Variants in CSNK1G1 observed in about 807,000 individuals in gnomAD.
The protein encoded by CSNK1G1 is casein kinase I isoform gamma-1.
CSNK1G1 carries 22 observed loss-of-function variants against 59.6 expected under a neutral mutation model. That is an observed-to-expected ratio of 0.37 (90% CI 0.26 to 0.53). The LOEUF (loss-of-function observed/expected upper bound fraction) is 0.53. CSNK1G1 is among the 20% of genes least tolerant of loss of function. CSNK1G1 has a pLI of 0.89. For missense variants in CSNK1G1, 384 were observed against 519.5 expected, an observed-to-expected ratio of 0.74 and a Z score of 2.54; for synonymous variants, 179 against 177.1, an observed-to-expected ratio of 1.01 and a Z score of -0.08.
chr15:64,249,717 C>A (rs1026549198), intron 4 of CSNK1G1, among the ~76,000 whole-genome samples: 1 of 152,176 alleles, frequency 6.6e-6, no homozygotes, highest in African/African-American at 2.4e-5. Context: ...TCCTCTAATG[C>A]CCTCCCTGTT....
chr15:64,251,357 T>C, intron 4 of CSNK1G1, 155 bp downstream of exon 4: 1 of 556,776 alleles, frequency 1.8e-6, no homozygotes. Context: ...AGAGCGCAAG[T>C]AGCTTTGTGG....
In CSNK1G1 at chr15:64,204,607, A is replaced by G. The variant is rs1404999831; in HGVS notation, c.851-18T>C. 6.2e-7 allele frequency: 1 copy of G among 1,610,824 alleles called. No homozygotes were observed. Among genetic ancestry groups the G allele is most frequent in the African/African-American group, 1.3e-5 (1 of 74,716 alleles). ...CATCTCCTCTGTTAGGAAAGAGATG[A>G]AAGGCCCTGCTCATTAGCTGAATGC... On this transcript the variant is annotated intron_variant, in intron 8 of 11. Coordinates refer to ENST00000303052, the MANE Select transcript of CSNK1G1 (RefSeq NM_022048.5).
At chr15:64,278,427 TA>T (rs763458639) in intron 2 of CSNK1G1, among the ~76,000 whole-genome samples, 4,881 of 130,928 alleles carry the variant, frequency 0.037, 103 homozygotes, top group African/African-American at 0.083. Flanking sequence ...TGTATATATA[TA>T]TATATTTTTT....
intron 2 of CSNK1G1, among the ~76,000 whole-genome samples, chr15:64,293,554 C>T (rs541654421): frequency 3.9e-5 from 6 of 152,280 alleles, no homozygotes; most frequent in East Asian, 1.9e-4. Flanking sequence ...AAATTGCAAA[C>T]GTACATATCC....
chr15:64,241,219 G>T (rs576660026), intron 4 of CSNK1G1, among the ~76,000 whole-genome samples: 9 of 152,188 alleles, frequency 5.9e-5, no homozygotes, highest in Non-Finnish European at 1.3e-4. Context: ...AGGAGGAGTA[G>T]ATATATCAAA....
chr15:64,324,469 T>A (rs1221280411), intron 1 of CSNK1G1, among the ~76,000 whole-genome samples: 2 of 152,236 alleles, frequency 1.3e-5, no homozygotes. Context: ...TGCTGGATGC[T>A]TCCTACCCTC....
At chr15:64,194,587 G>A (rs541066765) in intron 10 of CSNK1G1, among the ~76,000 whole-genome samples, 3 of 143,548 alleles carry the variant, frequency 2.1e-5, no homozygotes, top group Non-Finnish European at 4.5e-5. Flanking sequence ...GTGCGATCTC[G>A]GCTCACTGCA....
intron 1 of CSNK1G1, among the ~76,000 whole-genome samples, chr15:64,308,295 C>T (rs1566942028): frequency 6.6e-6 from 1 of 151,512 alleles, no homozygotes; most frequent in Non-Finnish European, 1.5e-5. Context: ...GACGAGGTCT[C>T]ACTATATTGC....
chr15:64,354,457 G>C lies in CSNK1G1; in HGVS notation c.-225+1531C>G, dbSNP rs115216422. On this transcript the variant is annotated intron_variant, in intron 1 of 11. Coordinates refer to ENST00000303052, the MANE Select transcript of CSNK1G1 (RefSeq NM_022048.5). ...ATACTATAAACACCAATATGGTGTA[G>C]CTGAGAAAAATCTATAAAATATATT... Among the ~76,000 whole-genome samples the C allele has an allele frequency of 8.4e-3, 1,278 of 152,258 alleles. 19 individuals are homozygous for C. The highest frequency in any genetic ancestry group is 0.029 in the African/African-American group (1,199 of 41,536).
chr15:64,349,137 CAAAAA>C (rs1258780843), intron 1 of CSNK1G1, among the ~76,000 whole-genome samples: 1 of 54,682 alleles, frequency 1.8e-5, no homozygotes, highest in Non-Finnish European at 3.8e-5. Context: ...AACTCCACCT[CAAAAA>C]AAAAAAAAAA....
intron 2 of CSNK1G1, among the ~76,000 whole-genome samples, chr15:64,269,364 T>C (rs142613928): frequency 2.6e-5 from 4 of 152,322 alleles, no homozygotes; most frequent in Admixed American, 6.5e-5. Context: ...GAGCTCATTC[T>C]TGGTGTGTTC....
intron 1 of CSNK1G1, among the ~76,000 whole-genome samples, chr15:64,305,154 AC>A (rs1895600246): frequency 6.6e-6 from 1 of 152,160 alleles, no homozygotes; most frequent in Non-Finnish European, 1.5e-5. Context: ...TGGTTTTTGT[AC>A]CAACATCTGT....
rs78698673 is a variant in CSNK1G1 at position 64,218,079 on chromosome 15, C to T, written c.293-1366G>A. Among the ~76,000 whole-genome samples, 769 of 151,748 alleles carry T rather than the reference C, an allele frequency of 5.1e-3. 2 individuals carry two copies. Among genetic ancestry groups the T allele is most frequent in the Middle Eastern group, 0.01 (3 of 292 alleles). On this transcript the variant is annotated intron_variant, in intron 4 of 11. Coordinates refer to ENST00000303052, the MANE Select transcript of CSNK1G1 (RefSeq NM_022048.5). ...CCCAGCTCAGCCTCCCAAGTAGCAG[C>T]TGGGACTGTAGGCTCGCTCTACCAC...
chr15:64,168,348 G>A lies in CSNK1G1; in HGVS notation c.*3583C>T, dbSNP rs1296300932. Reference sequence around the variant, plus strand: ...TATCCACCCTTGGGGGCAGTCTGGAGTGAGATCTCTGGAAAGCACCAAGGT... The same window carrying A: ...TATCCACCCTTGGGGGCAGTCTGGAATGAGATCTCTGGAAAGCACCAAGGT... On this transcript the variant is annotated 3_prime_UTR_variant, in exon 12 of 12. Transcript: ENST00000303052. 6.6e-6 allele frequency: 1 copy of A among 152,586 alleles called. No individual in the cohort carries two copies. Among genetic ancestry groups the A allele is most frequent in the South Asian group, 2.1e-4 (1 of 4,828 alleles). 9.5% of individuals were successfully genotyped at this position (152,586 alleles called of 1,614,324 possible).
intron 1 of CSNK1G1, among the ~76,000 whole-genome samples, chr15:64,325,293 T>A (rs568058154): frequency 6.6e-6 from 1 of 152,052 alleles, no homozygotes; most frequent in Non-Finnish European, 1.5e-5. Flanking sequence ...ATAGCAGGCA[T>A]CCGTTTGAAT....
intron 10 of CSNK1G1, among the ~76,000 whole-genome samples, chr15:64,189,080 C>T (rs549262263): frequency 4.6e-5 from 7 of 152,210 alleles, no homozygotes; most frequent in South Asian, 2.1e-4. Flanking sequence ...GAGCCAAGAT[C>T]GCGCCACTGC....
intron 10 of CSNK1G1, chr15:64,193,936 C>T (rs1722142029): frequency 6.6e-6 from 1 of 152,204 alleles, no homozygotes; most frequent in African/African-American, 2.4e-5. Context: ...AAACACTTAA[C>T]ACATACAGAA....
chr15:64,237,856 C>T (rs1185350253), intron 4 of CSNK1G1, among the ~76,000 whole-genome samples: 4 of 152,136 alleles, frequency 2.6e-5, no homozygotes, highest in Non-Finnish European at 4.4e-5. Flanking sequence ...TCCCTCCAAG[C>T]GACTTCGAAA....
chr15:64,309,838 G>A (rs1895895431), intron 1 of CSNK1G1, among the ~76,000 whole-genome samples: 1 of 152,172 alleles, frequency 6.6e-6, no homozygotes, highest in South Asian at 2.1e-4. Flanking sequence ...GGCCTGGTGT[G>A]GTGGCTCATG....
Sources: allele counts gnomAD v4.1 joint callset (sites outside exome capture counted in the v4.1 genomes callset), GRCh38; gene constraint gnomAD v4.1.1; transcripts MANE v1.5; gene names NCBI Gene and HGNC (gene_info 2026-07-23, HGNC 2026-07-21).